The following MKLN1 variants were observed in gnomAD, a reference collection of about 807,000 sequenced individuals.
MKLN1 encodes the protein muskelin.
Under a neutral mutation model 99.0 loss-of-function variants are expected in MKLN1, and 18 were observed. The ratio of observed to expected loss-of-function variants is 0.18; its 90% CI spans 0.13 to 0.27. The LOEUF is 0.27. Ranked by LOEUF, MKLN1 falls within the 10% of genes least tolerant of loss-of-function variation. The pLI is 1.00. For synonymous variants in MKLN1, 288 were observed against 293.2 expected, an observed-to-expected ratio of 0.98 and a Z score of 0.18; for missense variants, 621 against 875.9, an observed-to-expected ratio of 0.71 and a Z score of 3.67.
chr7:131,216,337 C>A (rs1297735025), intron 3 of MKLN1, among the ~76,000 whole-genome samples: 2 of 151,092 alleles, frequency 1.3e-5, no homozygotes, highest in African/African-American at 4.9e-5. Context: ...GCAGGAGAAT[C>A]GCTTAAAACC....
At chr7:131,312,930 A>C (rs1272068971) in intron 3 of MKLN1, among the ~76,000 whole-genome samples, 4 of 152,220 alleles carry the variant, frequency 2.6e-5, no homozygotes, top group Non-Finnish European at 5.9e-5. Flanking sequence ...ACTAGGGATG[A>C]TGGGGCCCAG....
intron 3 of MKLN1, among the ~76,000 whole-genome samples, chr7:131,236,236 A>G (rs557479704): frequency 2.0e-5 from 3 of 152,354 alleles, no homozygotes; most frequent in South Asian, 4.1e-4. Flanking sequence ...TATTTGCCCA[A>G]TAGCTGAGGG....
At chr7:131,195,518 T>A (rs943699412) in intron 2 of MKLN1, among the ~76,000 whole-genome samples, 3 of 151,216 alleles carry the variant, frequency 2.0e-5, no homozygotes, top group African/African-American at 7.3e-5. Context: ...AAAAAAAAAA[T>A]AAAAATGTGT....
intron 3 of MKLN1, 100 bp downstream of exon 3, chr7:131,387,362 G>T: frequency 8.8e-7 from 1 of 1,132,334 alleles, no homozygotes; most frequent in Non-Finnish European, 1.2e-6. Flanking sequence ...TTTCAAAGGA[G>T]AAAAGAGTAT....
At chr7:131,153,664 GT>G (rs11464377) in intron 2 of MKLN1, among the ~76,000 whole-genome samples, 24 of 139,528 alleles carry the variant, frequency 1.7e-4, no homozygotes, top group African/African-American at 5.1e-4. Context: ...GTTTTTTTTG[GT>G]TTTTTTTTTT....
intron 8 of MKLN1, among the ~76,000 whole-genome samples, chr7:131,428,487 G>A (rs1176430742): frequency 1.3e-5 from 2 of 152,106 alleles, no homozygotes; most frequent in African/African-American, 4.8e-5. Context: ...CATTGTTTTT[G>A]ATATAGCAAT....
At chr7:131,116,898 T>C (rs187841419) in intron 1 of MKLN1, among the ~76,000 whole-genome samples, 2 of 152,254 alleles carry the variant, frequency 1.3e-5, no homozygotes, top group East Asian at 3.9e-4. Context: ...TTTCTTATAC[T>C]GTCAGTGGGA....
intron 8 of MKLN1, among the ~76,000 whole-genome samples, chr7:131,424,605 T>C (rs1795302953): frequency 6.6e-6 from 1 of 151,502 alleles, no homozygotes; most frequent in Admixed American, 6.6e-5. Context: ...TGTAGATTGG[T>C]ACTACTGGTA....
rs117758273 is a variant in MKLN1 at position 131,329,377 on chromosome 7, T to A, written c.98+1380T>A. Among the ~76,000 whole-genome samples the A allele has an allele frequency of 2.0e-4, 30 of 152,358 alleles. No individual in the cohort carries two copies. In the East Asian group the frequency reaches 5.6e-3, roughly 28 times the overall value. Reference sequence around the variant, plus strand: ...TATTCATGGCCATATCCCTGATTGATGCTGAAACCCAACTTTGAATTTGAG... The same window carrying A: ...TATTCATGGCCATATCCCTGATTGAAGCTGAAACCCAACTTTGAATTTGAG... On this transcript the variant is annotated intron_variant, in intron 1 of 17. Transcript: ENST00000352689.
intron 3 of MKLN1, among the ~76,000 whole-genome samples, chr7:131,295,883 C>CAA (rs57235729): frequency 1.5e-3 from 157 of 103,344 alleles, no homozygotes; most frequent in South Asian, 3.2e-3. Flanking sequence ...ACGTCCTATC[C>CAA]AAAAAAAAAA....
intron 2 of MKLN1, among the ~76,000 whole-genome samples, chr7:131,150,524 CT>C (rs1723366685): frequency 6.6e-6 from 1 of 151,878 alleles, no homozygotes; most frequent in African/African-American, 2.4e-5. Flanking sequence ...AATAAAATAG[CT>C]ATTTCACAAA....
upstream of MKLN1, chr7:131,323,915 A>T (rs903533084): frequency 1.3e-5 from 2 of 152,218 alleles, no homozygotes; most frequent in African/African-American, 4.8e-5. Context: ...ACTAACAGGA[A>T]TTAGTTAAAA....
chr7:131,387,325 T>G, intron 3 of MKLN1, 63 bp downstream of exon 3: 1 of 1,448,966 alleles, frequency 6.9e-7, no homozygotes, highest in Non-Finnish European at 9.3e-7. Context: ...AGTCTTTTTG[T>G]AGCTAATCTG....
intron 10 of MKLN1, among the ~76,000 whole-genome samples, chr7:131,439,985 G>A (rs1316086197): frequency 6.6e-6 from 1 of 151,714 alleles, no homozygotes; most frequent in African/African-American, 2.4e-5. Context: ...TGTAAGTTTA[G>A]CCAGAAACAA....
intron 8 of MKLN1, among the ~76,000 whole-genome samples, chr7:131,427,819 G>T (rs999471749): frequency 1.4e-4 from 21 of 151,546 alleles, no homozygotes; most frequent in African/African-American, 4.6e-4. Context: ...CCCTCAAAGT[G>T]CTGGGATTAC....
chr7:131,368,915 A>G (rs986803636), intron 1 of MKLN1, among the ~76,000 whole-genome samples: 3 of 152,078 alleles, frequency 2.0e-5, no homozygotes, highest in Non-Finnish European at 2.9e-5. Flanking sequence ...TCTTAATGGT[A>G]TTTATGCCTC....
rs201918751 is a variant in MKLN1, at chr7:131,457,915, CA to C, written c.1526-5292del. Among the ~76,000 whole-genome samples, 11 of 146,456 alleles carry C rather than the reference CA, an allele frequency of 7.5e-5. No homozygotes were observed. The East Asian group carries it at 1.4e-3, about 18-fold the overall frequency. On this transcript the variant is annotated intron_variant, in intron 12 of 17. Transcript: ENST00000352689. Reference sequence around the variant, plus strand: ...GGGCAACAAGAGTGAAACTCCATCTCAAAAAAAAAATGTAGGTGAAATAATT... The same window carrying C: ...GGGCAACAAGAGTGAAACTCCATCTCAAAAAAAAATGTAGGTGAAATAATT...
At chr7:131,207,583 C>G (rs1006349461) in intron 3 of MKLN1, among the ~76,000 whole-genome samples, 1 of 152,166 alleles carries the variant, frequency 6.6e-6, no homozygotes, top group Non-Finnish European at 1.5e-5. Context: ...GCATGCCATG[C>G]CTTTACTACA....
intron 3 of MKLN1, among the ~76,000 whole-genome samples, chr7:131,274,264 T>C (rs1193330627): frequency 6.6e-6 from 1 of 152,200 alleles, no homozygotes; most frequent in Non-Finnish European, 1.5e-5. Flanking sequence ...TATAATCATC[T>C]TACTTCTTGT....
Sources: allele counts gnomAD v4.1 joint callset (sites outside exome capture counted in the v4.1 genomes callset), GRCh38; gene constraint gnomAD v4.1.1; transcripts MANE v1.5; gene names NCBI Gene and HGNC (gene_info 2026-07-23, HGNC 2026-07-21).